The following TGFBR2 variants were observed in gnomAD, a reference collection of about 807,000 sequenced individuals.
The protein encoded by TGFBR2 is TGF-beta receptor type-2.
In TGFBR2, 18 loss-of-function variants were observed where a neutral mutation model predicts 49.0. The observed-to-expected ratio is 0.37, with a 90% confidence interval of 0.25 to 0.54. The LOEUF (loss-of-function observed/expected upper bound fraction) is 0.54, where lower values mean the gene tolerates loss of function less well. Among genes scored for constraint, TGFBR2 ranks in the 20% least tolerant of loss-of-function variants. The pLI, the probability that TGFBR2 is intolerant of heterozygous loss-of-function variation, is 0.85. For synonymous variants in TGFBR2, 282 were observed against 275.9 expected (o/e 1.02, Z -0.22); for missense variants, 525 against 722.6 (o/e 0.73, Z 3.13).
intron 1 of TGFBR2, among the ~76,000 whole-genome samples, chr3:30,631,216 A>G (rs1698430684): frequency 6.6e-6 from 1 of 151,766 alleles, no homozygotes; most frequent in Admixed American, 6.6e-5. Context: ...TAATTTTTGT[A>G]TTTTTAGTAG....
At chr3:30,620,640 T>C (rs1443876023) in intron 1 of TGFBR2, among the ~76,000 whole-genome samples, 2 of 152,150 alleles carry the variant, frequency 1.3e-5, no homozygotes, top group East Asian at 3.9e-4. Context: ...TATTCTCTCA[T>C]GTGTGAATCT....
chr3:30,606,528 G>T (rs1353053379), upstream of TGFBR2: 7 of 267,214 alleles, frequency 2.6e-5, no homozygotes, highest in Non-Finnish European at 5.0e-5. Flanking sequence ...CTCGGGCGGA[G>T]AGAGGTCCTG....
intron 3 of TGFBR2, among the ~76,000 whole-genome samples, chr3:30,655,132 G>A (rs971941804): frequency 1.3e-5 from 2 of 152,184 alleles, no homozygotes; most frequent in African/African-American, 4.8e-5. Context: ...GTAGATTAAT[G>A]CATGTAAAGT....
chr3:30,658,522 TA>T (rs1357532436), intron 3 of TGFBR2, among the ~76,000 whole-genome samples: 1 of 152,162 alleles, frequency 6.6e-6, no homozygotes, highest in African/African-American at 2.4e-5. Flanking sequence ...TCTATGTGGT[TA>T]AATAGGGAAG....
chr3:30,660,027 G>A (rs376280420), intron 3 of TGFBR2, among the ~76,000 whole-genome samples: 10 of 151,988 alleles, frequency 6.6e-5, no homozygotes, highest in African/African-American at 9.7e-5. Flanking sequence ...ATTCTAAATC[G>A]CTCCTGCATG....
intron 1 of TGFBR2, among the ~76,000 whole-genome samples, chr3:30,639,047 A>G (rs1327647320): frequency 6.6e-6 from 1 of 152,220 alleles, no homozygotes; most frequent in Non-Finnish European, 1.5e-5. Flanking sequence ...CAGGCTCAAG[A>G]GAAAAGCATA....
Position 30,650,455 on chromosome 3 carries a change from CAGA to C in TGFBR2, c.452_454del (p.Glu152del), listed in dbSNP as rs749253197. 5 of 1,613,806 alleles carry C rather than the reference CAGA, an allele frequency of 3.1e-6. No individual in the cohort carries two copies. Among genetic ancestry groups the C allele is most frequent in the Middle Eastern group, 1.7e-4 (1 of 6,058 alleles). On this transcript the variant is annotated inframe_deletion and splice_region_variant, in exon 3 of 7. Transcript: ENST00000295754. ...GAGTGCAATGACAACATCATCTTCT[CAGA>C]AGGTGAGTTTTCTTCTCTTAAGGGT...
intron 3 of TGFBR2, among the ~76,000 whole-genome samples, chr3:30,652,661 G>A (rs2125413078): frequency 6.6e-6 from 1 of 152,222 alleles, no homozygotes; most frequent in East Asian, 1.9e-4. Flanking sequence ...TTAAAAGAAG[G>A]CCTAGGCTAA....
At chr3:30,639,623 C>T (rs1262214110) in intron 1 of TGFBR2, among the ~76,000 whole-genome samples, 1 of 152,148 alleles carries the variant, frequency 6.6e-6, no homozygotes, top group African/African-American at 2.4e-5. Context: ...ATTCTATCCA[C>T]CAGTTTCCAT....
intron 3 of TGFBR2, among the ~76,000 whole-genome samples, chr3:30,651,894 A>G (rs1698895123): frequency 6.6e-6 from 1 of 152,224 alleles, no homozygotes; most frequent in Non-Finnish European, 1.5e-5. Context: ...AGTCAACAAT[A>G]GGTCTGATTT....
intron 1 of TGFBR2, among the ~76,000 whole-genome samples, chr3:30,609,589 G>T (rs1433322722): frequency 6.6e-6 from 1 of 152,042 alleles, no homozygotes; most frequent in African/African-American, 2.4e-5. Flanking sequence ...TCAAAATTAA[G>T]AAATGACTCT....
intron 6 of TGFBR2, among the ~76,000 whole-genome samples, chr3:30,690,477 A>T (rs983812410): frequency 1.3e-5 from 2 of 152,160 alleles, no homozygotes; most frequent in African/African-American, 4.8e-5. Context: ...GGTTCAACCC[A>T]ATGTTGTTGG....
chr3:30,679,166 A>G (rs1003356246), intron 5 of TGFBR2, among the ~76,000 whole-genome samples: 3 of 152,200 alleles, frequency 2.0e-5, no homozygotes, highest in Non-Finnish European at 2.9e-5. Flanking sequence ...TTAACAGGCA[A>G]GTGTGGTTCA....
At chr3:30,613,663 G>T (rs1203125595) in intron 1 of TGFBR2, among the ~76,000 whole-genome samples, 2 of 152,160 alleles carry the variant, frequency 1.3e-5, no homozygotes, top group Non-Finnish European at 2.9e-5. Flanking sequence ...CCAGGGCTCA[G>T]GATGATGTCT....
At chr3:30,644,046 C>T (rs1389409264) in intron 1 of TGFBR2, among the ~76,000 whole-genome samples, 2 of 152,164 alleles carry the variant, frequency 1.3e-5, no homozygotes, top group Non-Finnish European at 2.9e-5. Context: ...ACTCCAATGC[C>T]TCACCAATGC....
At chr3:30,669,782 T>C (rs1023676104) in intron 3 of TGFBR2, among the ~76,000 whole-genome samples, 1 of 150,528 alleles carries the variant, frequency 6.6e-6, no homozygotes, top group African/African-American at 2.4e-5. Context: ...AGCTCAACTT[T>C]ACAGGCTGCT....
rs1698666909 is a variant in TGFBR2 at position 30,642,645 on chromosome 3, T to C, written c.95-2102T>C. ...ACAACAAACCTTCCTAATCAGCAAA[T>C]AGATGCTTGTCCAAAACATACTCTA... is the stretch of plus-strand genomic sequence containing the variant. On this transcript the variant is annotated intron_variant, in intron 1 of 6. Coordinates refer to ENST00000295754, the MANE Select transcript of TGFBR2 (RefSeq NM_003242.6). Among the ~76,000 whole-genome samples the C allele has an allele frequency of 2.0e-5, 3 of 152,198 alleles. No individual in the cohort carries two copies. In the South Asian group the frequency reaches 6.2e-4, roughly 31 times the overall value.
intron 1 of TGFBR2, among the ~76,000 whole-genome samples, chr3:30,635,840 A>G (rs1024116680): frequency 3.3e-5 from 5 of 152,184 alleles, no homozygotes. Flanking sequence ...ACAAAGCTAA[A>G]TTCCCTCAGT....
At chr3:30,638,224 G>A (rs1698577127) in intron 1 of TGFBR2, among the ~76,000 whole-genome samples, 1 of 152,188 alleles carries the variant, frequency 6.6e-6, no homozygotes, top group East Asian at 1.9e-4. Flanking sequence ...GATTTTAAAT[G>A]GCATTAATTC....
Sources: gnomAD v4.1 joint callset for allele counts (sites outside exome capture counted in the v4.1 genomes callset) on GRCh38, gnomAD v4.1.1 for gene constraint, MANE v1.5 for transcripts, NCBI Gene and HGNC (gene_info 2026-07-23, HGNC 2026-07-21) for gene names.